Variants in MID2 observed in about 807,000 individuals in gnomAD.
MID2 encodes the protein midline 2, also known as probable E3 ubiquitin-protein ligase MID2.
Under a neutral mutation model 46.1 loss-of-function variants are expected in MID2, and 13 were observed. The ratio of observed to expected loss-of-function variants is 0.28; its 90% confidence interval spans 0.18 to 0.45. The LOEUF (loss-of-function observed/expected upper bound fraction) is 0.45. Among genes scored for constraint, MID2 ranks in the 20% least tolerant of loss-of-function variants. MID2 has a pLI of 1.00. For missense variants in MID2, 431 were observed against 575.4 expected, an observed-to-expected ratio of 0.75 and a Z score of 2.57; for synonymous variants, 199 against 212.3, an observed-to-expected ratio of 0.94 and a Z score of 0.55.
chrX:107,849,243 C>A (rs1322666898), intron 2 of MID2, among the ~76,000 whole-genome samples: 2 of 112,011 alleles, frequency 1.8e-5, no homozygotes, highest in Non-Finnish European at 3.8e-5. Flanking sequence ...ACAGATTACA[C>A]CCCCTTTTAG....
At chrX:107,910,907 G>A (rs1285061134) in intron 5 of MID2, among the ~76,000 whole-genome samples, 1 of 87,647 alleles carries the variant, frequency 1.1e-5, no homozygotes, top group African/African-American at 4.2e-5. Context: ...AGGCTGGAGT[G>A]CAGTGGCACG....
chrX:107,845,022 T>C (rs1239990462), intron 2 of MID2, among the ~76,000 whole-genome samples: 3 of 111,957 alleles, frequency 2.7e-5, no homozygotes, highest in African/African-American at 9.7e-5. Context: ...TGCCTATAGC[T>C]TGCTTTGGAT....
Position 107,840,795 on chromosome X carries a change from C to T in MID2, c.130C>T (p.Pro44Ser). ...LELFEDPLLL[P>S]CAHSLCFSCA... is the part of the protein sequence containing the mutation. ...GTTGTTTGAAGACCCCCTTCTGCTC[C>T]CTTGTGCTCACAGCCTCTGCTTCAG... Residue 44 changes from proline to serine, a missense_variant, in exon 2 of 10, where the codon CCT becomes TCT. Transcript: ENST00000262843. 1.7e-6 allele frequency: 2 copies of T among 1,211,534 alleles called. No homozygotes were observed. Among genetic ancestry groups the T allele is most frequent in the African/African-American group, 1.7e-5 (1 of 57,711 alleles).
chrX:107,888,919 T>C (rs968064228), intron 3 of MID2, among the ~76,000 whole-genome samples: 1 of 111,501 alleles, frequency 9.0e-6, no homozygotes, highest in African/African-American at 3.3e-5. Context: ...TAAAGTCTGT[T>C]TTATCAGAGG....
intron 5 of MID2, among the ~76,000 whole-genome samples, chrX:107,914,559 A>T (rs1186774672): frequency 8.9e-6 from 1 of 112,124 alleles, no homozygotes; most frequent in Admixed American, 9.4e-5. Flanking sequence ...AGTTCACCAT[A>T]AAAGTTTCCT....
chrX:107,899,290 A>G (rs1435336984), intron 3 of MID2, among the ~76,000 whole-genome samples: 1 of 108,959 alleles, frequency 9.2e-6, no homozygotes, highest in Non-Finnish European at 1.9e-5. Context: ...AATTGCCAAA[A>G]TAACTTTTTG....
At chrX:107,876,166 G>A (rs1479899490) in intron 3 of MID2, among the ~76,000 whole-genome samples, 6 of 110,075 alleles carry the variant, frequency 5.5e-5, no homozygotes, top group Non-Finnish European at 1.1e-4. Context: ...GGGTTTGTGG[G>A]CTTTCATGGT....
chrX:107,853,554 C>T (rs1395593271), intron 2 of MID2, among the ~76,000 whole-genome samples: 2 of 111,408 alleles, frequency 1.8e-5, no homozygotes, highest in African/African-American at 3.3e-5. Flanking sequence ...CCCACCTCAG[C>T]CTCCCAAAGT....
chrX:107,833,411 T>TA (rs1569461187), intron 1 of MID2, among the ~76,000 whole-genome samples: 1 of 93,948 alleles, frequency 1.1e-5, no homozygotes, highest in African/African-American at 5.1e-5. Flanking sequence ...AATGTTTATT[T>TA]TATATATATA....
intron 5 of MID2, among the ~76,000 whole-genome samples, chrX:107,912,122 T>C (rs1207960188): frequency 8.9e-6 from 1 of 111,888 alleles, no homozygotes; most frequent in Admixed American, 9.4e-5. Context: ...GTTGGCTTCC[T>C]GATCTAGCTT....
chrX:107,888,864 A>G (rs1350301944), intron 3 of MID2, among the ~76,000 whole-genome samples: 3 of 111,703 alleles, frequency 2.7e-5, no homozygotes, highest in South Asian at 3.7e-4. Flanking sequence ...TCCCTTTACC[A>G]TTATGTAATG....
At chrX:107,887,823 A>G (rs1015124670) in intron 3 of MID2, among the ~76,000 whole-genome samples, 6 of 111,867 alleles carry the variant, frequency 5.4e-5, no homozygotes, top group Admixed American at 4.7e-4. Context: ...GTCTATTCAG[A>G]GATTCAACTT....
intron 1 of MID2, among the ~76,000 whole-genome samples, chrX:107,829,379 A>G (rs1413367976): frequency 8.9e-6 from 1 of 112,339 alleles, no homozygotes; most frequent in Non-Finnish European, 1.9e-5. Context: ...CTAGGCATAC[A>G]GAGTAATAAT....
Position 107,905,636 on chromosome X carries a change from T to A in MID2, c.1073+10T>A. The stretch of plus-strand genomic sequence containing the variant: ...AAAATATTGCTGAGAGGTCAGTTCC[T>A]TATATTCTTTGGAAATGCCTGCTCT... On this transcript the variant is annotated intron_variant, in intron 5 of 9. Coordinates refer to ENST00000262843, the MANE Select transcript of MID2 (RefSeq NM_012216.4). The A allele has an allele frequency of 8.6e-7, 1 of 1,163,799 alleles. No individual in the cohort carries two copies. Among genetic ancestry groups the A allele is most frequent in the Non-Finnish European group, 1.1e-6 (1 of 870,148 alleles).
chrX:107,873,080 C>T (rs1274463144), intron 3 of MID2, among the ~76,000 whole-genome samples: 1 of 111,348 alleles, frequency 9.0e-6, no homozygotes, highest in Non-Finnish European at 1.9e-5. Flanking sequence ...CTTTGAGACC[C>T]CCTGGGTGAC....
At chrX:107,881,504 G>A (rs1163103044) in intron 3 of MID2, among the ~76,000 whole-genome samples, 1 of 111,774 alleles carries the variant, frequency 8.9e-6, no homozygotes, top group Non-Finnish European at 1.9e-5. Flanking sequence ...CTTCTCTCTG[G>A]TGTGTCCTTC....
At position 107,905,601 on chromosome X, in the gene MID2, C is replaced by A. The variant is rs1355577490; in HGVS notation, c.1048C>A (p.Gln350Lys). ...AGAAAATGACCAGGCACGGTTTCTA[C>A]AGTCTGCAAAAAATATTGCTGAGAG... Reference protein sequence around the residue: ...LKENDQARFLQSAKNIAERVA... With the variant: ...LKENDQARFLKSAKNIAERVA... The change falls in exon 5 of 10, where the codon CAG (glutamine) becomes AAG (lysine). Residue 350 changes from glutamine (Q) to lysine (K), a missense_variant. Physicochemically the swap from Gln to Lys is moderately conservative, Grantham distance 53. Coordinates refer to ENST00000262843, the MANE Select transcript of MID2 (RefSeq NM_012216.4). 8.3e-7 allele frequency: 1 copy of A among 1,202,112 alleles called. No homozygotes were observed. The highest frequency in any genetic ancestry group is 1.8e-5 in the South Asian group (1 of 54,169).
chrX:107,861,464 A>G (rs1327996523), intron 3 of MID2, among the ~76,000 whole-genome samples: 5 of 111,073 alleles, frequency 4.5e-5, no homozygotes, highest in South Asian at 7.8e-4. Context: ...TACAAAAAAT[A>G]CAAAAATTTG....
intron 3 of MID2, among the ~76,000 whole-genome samples, chrX:107,887,780 T>C (rs1321267498): frequency 8.9e-6 from 1 of 112,218 alleles, no homozygotes; most frequent in African/African-American, 3.2e-5. Context: ...TGTAAGCTAT[T>C]AATTATTGCC....
Sources: gnomAD v4.1 joint callset for allele counts (sites outside exome capture counted in the v4.1 genomes callset) on GRCh38, gnomAD v4.1.1 for gene constraint, MANE v1.5 for transcripts, NCBI Gene and HGNC (gene_info 2026-07-23, HGNC 2026-07-21) for gene names.